Variants in HSD17B6 observed in about 807,000 individuals in gnomAD.
HSD17B6 encodes 17-beta-hydroxysteroid dehydrogenase type 6.
Under a neutral mutation model 26.4 loss-of-function variants are expected in HSD17B6, and 16 were observed. The ratio of observed to expected loss-of-function variants is 0.61; its 90% CI spans 0.41 to 0.92. The LOEUF is 0.92. HSD17B6 is among the 40% of genes least tolerant of loss of function. HSD17B6 has a pLI of 0.00. For missense variants in HSD17B6, 357 were observed against 386.1 expected, an observed-to-expected ratio of 0.92 and a Z score of 0.63; for synonymous variants, 139 against 153.0, an observed-to-expected ratio of 0.91 and a Z score of 0.68.
Position 56,787,236 on chromosome 12 carries a change from C to G in HSD17B6, c.848C>G (p.Ala283Gly). The change falls in exon 5 of 5, where the codon GCT (alanine) becomes GGT (glycine). Residue 283 changes from alanine to glycine, a missense_variant. Transcript: ENST00000322165. ...TSVHPRTRYS[A>G]GWDAKFFFIP... ...GTGCATCCGCGAACTCGATATTCAG[C>G]TGGCTGGGATGCTAAATTTTTCTTC... 6.2e-7 allele frequency: 1 copy of G among 1,614,108 alleles called. No homozygotes were observed. The highest frequency in any genetic ancestry group is 8.5e-7 in the Non-Finnish European group (1 of 1,179,936).
At chr12:56,777,907 C>A (rs973795279) in intron 2 of HSD17B6, among the ~76,000 whole-genome samples, 5 of 152,116 alleles carry the variant, frequency 3.3e-5, no homozygotes, top group African/African-American at 1.2e-4. Context: ...GTTCTTAACT[C>A]CCCCAGGCAG....
At chr12:56,766,294 C>T (rs1181334794) in intron 1 of HSD17B6, among the ~76,000 whole-genome samples, 1 of 152,204 alleles carries the variant, frequency 6.6e-6, no homozygotes, top group Admixed American at 6.5e-5. Context: ...TTGGTGATCT[C>T]TTCACTGGGA....
chr12:56,780,205 A>G (rs1954682987), intron 2 of HSD17B6, among the ~76,000 whole-genome samples: 1 of 152,000 alleles, frequency 6.6e-6, no homozygotes. Context: ...CTCTGTTTAT[A>G]CTGCTTGGGA....
At chr12:56,773,193 C>T (rs977194345) in intron 1 of HSD17B6, among the ~76,000 whole-genome samples, 1 of 152,170 alleles carries the variant, frequency 6.6e-6, no homozygotes, top group Non-Finnish European at 1.5e-5. Flanking sequence ...GATCTCACTG[C>T]CTTCACCACA....
intron 4 of HSD17B6, among the ~76,000 whole-genome samples, chr12:56,785,652 C>T (rs1165442091): frequency 6.6e-6 from 1 of 152,252 alleles, no homozygotes; most frequent in African/African-American, 2.4e-5. Flanking sequence ...GGAGGTATTA[C>T]ATACTTAGAG....
chr12:56,784,983 AAGG>A lies in HSD17B6; in HGVS notation c.706_708del (p.Glu236del). 1.2e-6 allele frequency: 2 copies of A among 1,614,048 alleles called. No homozygotes were observed. The highest frequency in any genetic ancestry group is 2.2e-5 in the South Asian group (2 of 91,040). ...TTGGAAAGAAGCCCCCAAGCATATTAAGGAGACCTATGGACAGCAGTATTTTGA... is the reference window on the plus strand; with the variant it reads ...TTGGAAAGAAGCCCCCAAGCATATTAAGACCTATGGACAGCAGTATTTTGA... On this transcript the variant is annotated inframe_deletion, in exon 4 of 5. Coordinates refer to ENST00000322165, the MANE Select transcript of HSD17B6 (RefSeq NM_003725.4).
intron 1 of HSD17B6, 22 bp downstream of exon 1, chr12:56,763,436 GTTGTGT>G (rs1954248046): frequency 1.7e-5 from 2 of 121,094 alleles, no homozygotes; most frequent in Non-Finnish European, 3.4e-5. Context: ...GGTAAGGGTG[GTTGTGT>G]GTGTGTGTGT....
At chr12:56,763,468 T>A in intron 1 of HSD17B6, 54 bp downstream of exon 1, 1 of 154,086 alleles carries the variant, frequency 6.5e-6, no homozygotes, top group Non-Finnish European at 1.4e-5. Flanking sequence ...TGTGTGTGTG[T>A]GTGTGTGTGT....
At chr12:56,781,333 C>A (rs1470571887) in intron 2 of HSD17B6, among the ~76,000 whole-genome samples, 7 of 152,094 alleles carry the variant, frequency 4.6e-5, no homozygotes, top group Non-Finnish European at 8.8e-5. Flanking sequence ...TTACTGTCTT[C>A]CAGTTTGCTA....
intron 3 of HSD17B6, among the ~76,000 whole-genome samples, chr12:56,784,523 G>A (rs1432632916): frequency 1.3e-5 from 2 of 152,188 alleles, no homozygotes; most frequent in African/African-American, 2.4e-5. Context: ...AAAAAAATAC[G>A]AAAACCAGTC....
intron 3 of HSD17B6, among the ~76,000 whole-genome samples, chr12:56,783,130 A>C (rs549287643): frequency 1.3e-5 from 2 of 151,822 alleles, no homozygotes; most frequent in East Asian, 1.9e-4. Context: ...CATCGTCATC[A>C]TGGCCCGTTC....
intron 1 of HSD17B6, among the ~76,000 whole-genome samples, chr12:56,772,652 G>C: frequency 6.7e-6 from 1 of 149,932 alleles, no homozygotes; most frequent in South Asian, 2.1e-4. Flanking sequence ...AGCTGAGATT[G>C]CGCCATTGCA....
At chr12:56,787,070 TC>T in intron 4 of HSD17B6, 54 bp from the exon 5 acceptor site, 3 of 1,365,208 alleles carry the variant, frequency 2.2e-6, no homozygotes, top group Non-Finnish European at 3.1e-6. Flanking sequence ...GACTGCATGA[TC>T]TTAAAAATAT....
Position 56,785,007 on chromosome 12 carries a change from T to A in HSD17B6, c.727T>A (p.Phe243Ile). ...TAAGGAGACCTATGGACAGCAGTAT[T>A]TTGATGCCCGTAAGCTTTTTTCTTT... is the stretch of plus-strand genomic sequence containing the variant. Reference protein sequence around the residue: ...HIKETYGQQYFDALYNIMKEG... With the variant: ...HIKETYGQQYIDALYNIMKEG... The change falls in exon 4 of 5, where the codon TTT becomes ATT. Residue 243 changes from phenylalanine (F) to isoleucine (I), a missense_variant. Physicochemically the swap from Phe to Ile is conservative, Grantham distance 21. Coordinates refer to ENST00000322165, the MANE Select transcript of HSD17B6 (RefSeq NM_003725.4). 1 of 1,611,016 alleles carries A rather than the reference T, an allele frequency of 6.2e-7. No homozygotes were observed.
At chr12:56,779,619 C>T (rs1164833483) in intron 2 of HSD17B6, among the ~76,000 whole-genome samples, 12 of 152,098 alleles carry the variant, frequency 7.9e-5, no homozygotes, top group African/African-American at 2.7e-4. Flanking sequence ...ATTTTAAGTG[C>T]ATATGTGGTT....
chr12:56,769,964 G>A (rs1229152499), intron 1 of HSD17B6, among the ~76,000 whole-genome samples: 2 of 152,128 alleles, frequency 1.3e-5, no homozygotes, highest in African/African-American at 4.8e-5. Flanking sequence ...GGGGAAATAC[G>A]TTTTCATCTT....
chr12:56,777,280 G>C (rs1954611911), intron 2 of HSD17B6, among the ~76,000 whole-genome samples: 1 of 152,060 alleles, frequency 6.6e-6, no homozygotes, highest in Admixed American at 6.5e-5. Context: ...ATTTTTTGTA[G>C]ACATGAGGTT....
chr12:56,786,570 C>T (rs926809010), intron 4 of HSD17B6, among the ~76,000 whole-genome samples: 9 of 152,146 alleles, frequency 5.9e-5, no homozygotes, highest in African/African-American at 2.2e-4. Flanking sequence ...AGTTTTGAGG[C>T]CAGGCGTGGT....
At chr12:56,783,585 C>T (rs186568160) in intron 3 of HSD17B6, among the ~76,000 whole-genome samples, 10,457 of 122,724 alleles carry the variant, frequency 0.085, 680 homozygotes, top group African/African-American at 0.15. Context: ...GCTGGCCGGG[C>T]GGGGGCTGAC....
Sources: gnomAD v4.1 joint callset for allele counts (sites outside exome capture counted in the v4.1 genomes callset) on GRCh38, gnomAD v4.1.1 for gene constraint, MANE v1.5 for transcripts, NCBI Gene and HGNC (gene_info 2026-07-23, HGNC 2026-07-21) for gene names.